The following SLC24A2 variants were observed in gnomAD, a reference collection of about 807,000 sequenced individuals.
SLC24A2 encodes the protein sodium/potassium/calcium exchanger 2.
Under a neutral mutation model 62.0 loss-of-function variants are expected in SLC24A2, and 36 were observed. That is an observed-to-expected ratio of 0.58 (90% CI 0.44 to 0.77). The LOEUF is 0.77. Among genes scored for constraint, SLC24A2 ranks in the 30% least tolerant of loss-of-function variants. The pLI is 0.00. For synonymous variants in SLC24A2, 358 were observed against 294.0 expected (o/e 1.22, Z -2.23); for missense variants, 846 against 817.9 (o/e 1.03, Z -0.42).
At chr9:20,287,300 C>G in the SLC24A2 span, among the ~76,000 whole-genome samples, 1 of 152,192 alleles carries the variant, frequency 6.6e-6, no homozygotes, top group Non-Finnish European at 1.5e-5. Context: ...GGGAACCAGG[C>G]AAACATTCAT....
the SLC24A2 span, among the ~76,000 whole-genome samples, chr9:20,214,346 G>A: frequency 6.6e-6 from 1 of 152,160 alleles, no homozygotes; most frequent in Non-Finnish European, 1.5e-5. Context: ...AGACACAGTG[G>A]CTCACACCTG....
At chr9:19,699,452 G>T (rs1293094561) in intron 2 of SLC24A2, among the ~76,000 whole-genome samples, 1 of 152,082 alleles carries the variant, frequency 6.6e-6, no homozygotes, top group Non-Finnish European at 1.5e-5. Context: ...GAACAATTAT[G>T]TTCAACAGTA....
intron 7 of SLC24A2, among the ~76,000 whole-genome samples, chr9:19,568,620 C>T (rs1586976169): frequency 6.6e-6 from 1 of 152,344 alleles, no homozygotes; most frequent in East Asian, 1.9e-4. Context: ...CAGGTTAAGT[C>T]ACTTTTCCAG....
At chr9:20,306,225 C>A in the SLC24A2 span, among the ~76,000 whole-genome samples, 39 of 152,194 alleles carry the variant, frequency 2.6e-4, no homozygotes, top group Admixed American at 7.2e-4. Flanking sequence ...CAGAATGATT[C>A]TTTAACTCCT....
chr9:20,229,822 T>A, the SLC24A2 span, among the ~76,000 whole-genome samples: 2 of 152,222 alleles, frequency 1.3e-5, no homozygotes, highest in African/African-American at 4.8e-5. Context: ...CATGTTGGTA[T>A]GCTGCACCCA....
chr9:19,516,143 G>C lies in SLC24A2; in HGVS notation c.*10C>G. ...ATTCATGCTGCTGGTGCAAGATATG[G>C]CTTTTCCTGCTAGATGGAGACGGGG... On this transcript the variant is annotated 3_prime_UTR_variant, in exon 11 of 11. Transcript: ENST00000341998. The C allele has an allele frequency of 6.8e-6, 11 of 1,614,040 alleles. No individual in the cohort carries two copies. Among genetic ancestry groups the C allele is most frequent in the Non-Finnish European group, 8.5e-6 (10 of 1,179,966 alleles).
At chr9:20,262,284 G>T in the SLC24A2 span, among the ~76,000 whole-genome samples, 1 of 152,188 alleles carries the variant, frequency 6.6e-6, no homozygotes, top group African/African-American at 2.4e-5. Flanking sequence ...GTTTTGGCAT[G>T]TCCTACCTAT....
At chr9:19,765,968 A>C (rs1336073778) in intron 2 of SLC24A2, among the ~76,000 whole-genome samples, 1 of 151,924 alleles carries the variant, frequency 6.6e-6, no homozygotes, top group East Asian at 1.9e-4. Context: ...ACATAGTCCC[A>C]TATTTCTTGG....
the SLC24A2 span, among the ~76,000 whole-genome samples, chr9:20,141,800 A>G: frequency 1.3e-5 from 2 of 152,144 alleles, no homozygotes; most frequent in African/African-American, 4.8e-5. Context: ...ATAATTTAAA[A>G]AGGCGGGCCA....
chr9:20,170,861 A>T, the SLC24A2 span, among the ~76,000 whole-genome samples: 2 of 152,066 alleles, frequency 1.3e-5, no homozygotes, highest in African/African-American at 4.8e-5. Flanking sequence ...CAAGAAGCTC[A>T]AAGAACACCC....
At chr9:19,866,233 C>A in the SLC24A2 span, among the ~76,000 whole-genome samples, 1 of 152,102 alleles carries the variant, frequency 6.6e-6, no homozygotes, top group Admixed American at 6.5e-5. Flanking sequence ...AAAAGGGAAC[C>A]CTCATACACT....
the SLC24A2 span, among the ~76,000 whole-genome samples, chr9:20,172,480 A>G: frequency 6.6e-6 from 1 of 152,000 alleles, no homozygotes; most frequent in Admixed American, 6.6e-5. Context: ...AGAAGAGAGA[A>G]ATCCAAATAA....
At chr9:19,552,666 C>T (rs1334480557) in intron 7 of SLC24A2, among the ~76,000 whole-genome samples, 1 of 152,210 alleles carries the variant, frequency 6.6e-6, no homozygotes, top group Non-Finnish European at 1.5e-5. Context: ...TTTCTCTCGA[C>T]TTCAAGCTAA....
At chr9:20,125,220 A>G in the SLC24A2 span, among the ~76,000 whole-genome samples, 1 of 152,238 alleles carries the variant, frequency 6.6e-6, no homozygotes, top group South Asian at 2.1e-4. Context: ...AATAAATAAT[A>G]CATACATAAA....
chr9:19,757,046 G>A (rs1734927471), intron 2 of SLC24A2, among the ~76,000 whole-genome samples: 1 of 151,096 alleles, frequency 6.6e-6, no homozygotes, highest in Middle Eastern at 3.5e-3. Flanking sequence ...AAGCATTAGG[G>A]TTACAGGTGG....
In SLC24A2 at chr9:19,539,040, C is replaced by T. The variant is rs544622751; in HGVS notation, c.1480-10902G>A. Among the ~76,000 whole-genome samples, 502 of 96,828 alleles carry T rather than the reference C, an allele frequency of 5.2e-3. 4 individuals carry two copies. The highest frequency in any genetic ancestry group is 0.016 in the African/African-American group (380 of 24,206). 63.5% of individuals were successfully genotyped at this position (96,828 alleles called of 152,430 possible). ...ATGGTAGTTTGTATTTCTGTGGGAT[C>T]GGTGGTGATATCCCCTTTATCATTT... On this transcript the variant is annotated intron_variant, in intron 8 of 10. Coordinates refer to ENST00000341998, the MANE Select transcript of SLC24A2 (RefSeq NM_020344.4).
chr9:19,838,400 C>T, the SLC24A2 span, among the ~76,000 whole-genome samples: 4 of 151,746 alleles, frequency 2.6e-5, no homozygotes, highest in East Asian at 5.8e-4. Flanking sequence ...CTTCCTTACA[C>T]CTTATACAAA....
intron 2 of SLC24A2, among the ~76,000 whole-genome samples, chr9:19,668,895 A>G (rs1039905283): frequency 6.6e-6 from 1 of 152,178 alleles, no homozygotes; most frequent in African/African-American, 2.4e-5. Flanking sequence ...AGTGTTATGT[A>G]TATAAAAGTA....
the SLC24A2 span, among the ~76,000 whole-genome samples, chr9:19,855,923 G>A: frequency 1.3e-5 from 2 of 152,098 alleles, no homozygotes; most frequent in African/African-American, 2.4e-5. Flanking sequence ...CAGGTACCCT[G>A]ATCAGTCATA....
Sources: allele counts gnomAD v4.1 joint callset (sites outside exome capture counted in the v4.1 genomes callset), GRCh38; gene constraint gnomAD v4.1.1; transcripts MANE v1.5; gene names NCBI Gene and HGNC (gene_info 2026-07-23, HGNC 2026-07-21).